The following EFHD1 variants were observed in gnomAD, a reference collection of about 807,000 sequenced individuals.
EFHD1 encodes the protein EF-hand domain family member D1.
A neutral mutation model predicts 17.2 loss-of-function variants in EFHD1; 10 were observed. The ratio of observed to expected loss-of-function variants is 0.58; its 90% CI spans 0.36 to 0.99. The LOEUF is 0.99. Ranked by LOEUF, EFHD1 falls within the 50% of genes least tolerant of loss-of-function variation. The pLI, the probability that EFHD1 is intolerant of heterozygous loss-of-function variation, is 0.01. For synonymous variants in EFHD1, 153 were observed against 142.0 expected (o/e 1.08, Z -0.55); for missense variants, 310 against 327.5 (o/e 0.95, Z 0.41).
chr2:232,608,577 A>G (rs965907081), intron 1 of EFHD1, among the ~76,000 whole-genome samples: 9 of 152,168 alleles, frequency 5.9e-5, no homozygotes, highest in Non-Finnish European at 1.3e-4. Flanking sequence ...TGGGGAGCCA[A>G]TTGTACTTGG....
chr2:232,660,335 C>T (rs577194987), intron 1 of EFHD1, among the ~76,000 whole-genome samples: 2 of 152,186 alleles, frequency 1.3e-5, no homozygotes, highest in South Asian at 2.1e-4. Context: ...GCTGGGACTA[C>T]AGGTGCCTGC....
chr2:232,624,014 G>A (rs887009261), intron 1 of EFHD1, among the ~76,000 whole-genome samples: 1 of 152,098 alleles, frequency 6.6e-6, no homozygotes, highest in South Asian at 2.1e-4. Context: ...GCCCCTGAAG[G>A]GCATGGGTGG....
At chr2:232,648,007 A>C (rs1332341795) in intron 1 of EFHD1, among the ~76,000 whole-genome samples, 1 of 152,166 alleles carries the variant, frequency 6.6e-6, no homozygotes, top group Non-Finnish European at 1.5e-5. Flanking sequence ...TGGGAGGCCG[A>C]GGCAAGAGGA....
intron 1 of EFHD1, among the ~76,000 whole-genome samples, chr2:232,658,706 CA>C: frequency 6.6e-6 from 1 of 151,752 alleles, no homozygotes; most frequent in Non-Finnish European, 1.5e-5. Flanking sequence ...GAGGCAAATC[CA>C]TACAGACAGA....
At chr2:232,660,745 A>T (rs1049039106) in intron 1 of EFHD1, among the ~76,000 whole-genome samples, 2 of 152,042 alleles carry the variant, frequency 1.3e-5, no homozygotes, top group Non-Finnish European at 2.9e-5. Context: ...TAGGAGGCCA[A>T]GGCGGGCGGA....
chr2:232,676,551 C>A (rs766532156), intron 3 of EFHD1, among the ~76,000 whole-genome samples: 18 of 152,298 alleles, frequency 1.2e-4, no homozygotes, highest in Middle Eastern at 6.8e-3. Flanking sequence ...CTCAGCTGGG[C>A]TCTCCTGGAG....
At position 232,633,747 on chromosome 2, in the gene EFHD1, C is replaced by T. The variant is rs1193588831; in HGVS notation, c.43C>T (p.Arg15Trp). The T allele has an allele frequency of 1.4e-6, 2 of 1,468,854 alleles. No homozygotes were observed. The highest frequency in any genetic ancestry group is 2.5e-5 in the Admixed American group (1 of 40,092). The allele number at this position is 1,468,854 out of a possible 1,614,324, so 91.0% of individuals were successfully genotyped here. ...ELACKLERRL[R>W]REEAEESGPQ... Reference sequence around the variant, plus strand: ...GGCGTGCAAGCTGGAGCGCCGGCTGCGGCGCGAGGAGGCCGAGGAGAGTGG... The same window carrying T: ...GGCGTGCAAGCTGGAGCGCCGGCTGTGGCGCGAGGAGGCCGAGGAGAGTGG... The change falls in exon 1 of 4, where the codon CGG (arginine) becomes TGG (tryptophan). Residue 15 changes from arginine (R) to tryptophan (W), a missense_variant. Arg to Trp is a moderately radical substitution (Grantham distance 101, BLOSUM62 -3). Transcript: ENST00000264059.
intron 1 of EFHD1, among the ~76,000 whole-genome samples, chr2:232,628,092 ACT>A (rs1694140415): frequency 6.6e-6 from 1 of 152,114 alleles, no homozygotes; most frequent in Non-Finnish European, 1.5e-5. Flanking sequence ...ATGGAGTCTC[ACT>A]CTGTCGCCCA....
upstream of EFHD1, among the ~76,000 whole-genome samples, chr2:232,630,682 AC>A (rs1286047064): frequency 6.6e-6 from 1 of 151,470 alleles, no homozygotes; most frequent in African/African-American, 2.4e-5. Context: ...ACCGTGGCTC[AC>A]CCCTGTAATC....
chr2:232,651,105 C>G lies in EFHD1; in HGVS notation c.303-11697C>G, dbSNP rs189103070. 2.2e-3 allele frequency among the ~76,000 whole-genome samples: 341 copies of G among 152,228 alleles called. 4 individuals carry two copies. Among genetic ancestry groups the G allele is most frequent in the Admixed American group, 0.017 (264 of 15,294 alleles). ...CAAGCATGTGGGGAGAAAGCAGGCC[C>G]CGGTCAGTTGGGCCCAGGGCTGGGG... On this transcript the variant is annotated intron_variant, in intron 1 of 3. Transcript: ENST00000264059.
At chr2:232,680,487 A>T (rs549351389) in intron 3 of EFHD1, among the ~76,000 whole-genome samples, 3 of 152,314 alleles carry the variant, frequency 2.0e-5, no homozygotes, top group African/African-American at 7.2e-5. Context: ...AGAACAATTG[A>T]TTTAGTGAGC....
chr2:232,680,752 G>T (rs1695264617), intron 3 of EFHD1, among the ~76,000 whole-genome samples: 1 of 151,946 alleles, frequency 6.6e-6, no homozygotes, highest in Non-Finnish European at 1.5e-5. Flanking sequence ...CAGGTGATCC[G>T]CCCGCTTCAG....
At position 232,682,251 on chromosome 2, in the gene EFHD1, A is replaced by T. The variant is rs1045447737; in HGVS notation, c.*532A>T. The T allele has an allele frequency of 6.6e-6, 1 of 152,608 alleles. No individual in the cohort carries two copies. The highest frequency in any genetic ancestry group is 2.4e-5 in the African/African-American group (1 of 41,400). The allele number at this position is 152,608 out of a possible 1,614,324, so 9.5% of individuals were successfully genotyped here. ...GTGGACCACTGCCCGTCCACTCTTCAACAGGAGGAACAGCATGCCACCATA... is the reference window on the plus strand; with the variant it reads ...GTGGACCACTGCCCGTCCACTCTTCTACAGGAGGAACAGCATGCCACCATA... On this transcript the variant is annotated 3_prime_UTR_variant, in exon 4 of 4. Coordinates refer to ENST00000264059, the MANE Select transcript of EFHD1 (RefSeq NM_025202.4).
At chr2:232,635,980 C>T (rs1281141135) in intron 1 of EFHD1, among the ~76,000 whole-genome samples, 1 of 152,088 alleles carries the variant, frequency 6.6e-6, no homozygotes, top group African/African-American at 2.4e-5. Context: ...GCTGAGGAAA[C>T]CAAAAAGCCA....
At chr2:232,614,499 C>G (rs550580142) in intron 1 of EFHD1, among the ~76,000 whole-genome samples, 1 of 152,094 alleles carries the variant, frequency 6.6e-6, no homozygotes, top group Non-Finnish European at 1.5e-5. Context: ...TCCTTGATAA[C>G]GTTTTGTCTT....
chr2:232,667,303 G>C (rs945190816), intron 2 of EFHD1, among the ~76,000 whole-genome samples: 1 of 151,994 alleles, frequency 6.6e-6, no homozygotes, highest in Non-Finnish European at 1.5e-5. Flanking sequence ...TCTCTCTCTC[G>C]GGATTTTGAA....
intron 1 of EFHD1, among the ~76,000 whole-genome samples, chr2:232,608,385 G>T (rs572484565): frequency 6.6e-6 from 1 of 152,140 alleles, no homozygotes; most frequent in South Asian, 2.1e-4. Context: ...AAATGAATTG[G>T]TGTAGTATTT....
Position 232,662,869 on chromosome 2 carries a change from GC to G in EFHD1, c.376del (p.Gln126ArgfsTer6), listed in dbSNP as rs760712775. 4.4e-6 allele frequency: 7 copies of G among 1,593,416 alleles called. No homozygotes were observed. The highest frequency in any genetic ancestry group is 3.4e-5 in the South Asian group (3 of 87,898). On this transcript the variant is annotated frameshift_variant, in exon 2 of 4. Transcript: ENST00000264059. LOFTEE classifies it high-confidence loss of function. Reference protein sequence around the residue: ...ELKLMMEKLGAPQTHLGLKSM... With the variant: ...ELKLMMEKLGXPQTHLGLKSM... ...GAAGCTGATGATGGAGAAGCTGGGG[GC>G]CCCCCAGACCCACCTGGGCCTGAAG...
Position 232,681,656 on chromosome 2 carries a change from G to C in EFHD1, c.657G>C (p.Glu219Asp). 6.2e-7 allele frequency: 1 copy of C among 1,614,268 alleles called. No individual in the cohort carries two copies. Among genetic ancestry groups the C allele is most frequent in the South Asian group, 1.1e-5 (1 of 91,090 alleles). The change falls in exon 4 of 4, where the codon GAG becomes GAC. Residue 219 changes from glutamate to aspartate, a missense_variant. Transcript: ENST00000264059. ...LKAEQDERKR[E>D]EEERRLRQAA... ...CTGAGCAAGATGAGCGGAAGCGGGAGGAGGAGGAGAGGCGGCTCCGCCAGG... is the reference window on the plus strand; with the variant it reads ...CTGAGCAAGATGAGCGGAAGCGGGACGAGGAGGAGAGGCGGCTCCGCCAGG...
Sources: allele counts gnomAD v4.1 joint callset (sites outside exome capture counted in the v4.1 genomes callset), GRCh38; gene constraint gnomAD v4.1.1; transcripts MANE v1.5; gene names NCBI Gene and HGNC (gene_info 2026-07-23, HGNC 2026-07-21).